The following KHDRBS3 variants were observed in gnomAD, a reference collection of about 807,000 sequenced individuals.
KHDRBS3 encodes the protein KH domain-containing, RNA-binding, signal transduction-associated protein 3.
Under a neutral mutation model 45.6 loss-of-function variants are expected in KHDRBS3, and 23 were observed. The observed-to-expected ratio is 0.50, with a 90% confidence interval of 0.36 to 0.72. The LOEUF is 0.72. Ranked by LOEUF, KHDRBS3 falls within the 30% of genes least tolerant of loss-of-function variation. KHDRBS3 has a pLI of 0.00. For synonymous variants in KHDRBS3, 162 were observed against 156.5 expected, an observed-to-expected ratio of 1.04 and a Z score of -0.26; for missense variants, 352 against 424.8, an observed-to-expected ratio of 0.83 and a Z score of 1.51.
rs146012641 is a variant in KHDRBS3 at position 135,597,485 on chromosome 8, C to T, written c.808-9470C>T. ...AAAATCCATGTGACCAGCTCCCTCA[C>T]GGCTTTCACATTTGTATTCAAAGTC... On this transcript the variant is annotated intron_variant, in intron 6 of 8. Coordinates refer to ENST00000355849, the MANE Select transcript of KHDRBS3 (RefSeq NM_006558.3). Among the ~76,000 whole-genome samples the T allele has an allele frequency of 4.6e-5, 7 of 152,234 alleles. No homozygotes were observed. In the East Asian group the frequency reaches 9.7e-4, roughly 21 times the overall value.
intron 6 of KHDRBS3, among the ~76,000 whole-genome samples, chr8:135,592,375 C>G (rs992516230): frequency 6.6e-6 from 1 of 152,086 alleles, no homozygotes; most frequent in Non-Finnish European, 1.5e-5. Context: ...TAGGCTTGCC[C>G]GTCCAAGTTA....
chr8:135,517,898 T>C (rs1424646456), intron 1 of KHDRBS3, among the ~76,000 whole-genome samples: 1 of 152,226 alleles, frequency 6.6e-6, no homozygotes, highest in African/African-American at 2.4e-5. Flanking sequence ...ACTTAAGATT[T>C]GTAGGATGCT....
chr8:135,564,199 T>G (rs192944572), intron 5 of KHDRBS3, among the ~76,000 whole-genome samples: 42 of 152,200 alleles, frequency 2.8e-4, no homozygotes, highest in African/African-American at 8.9e-4. Context: ...TGTTACTGAT[T>G]TTCATGATGT....
At chr8:135,468,050 TC>T (rs1707762324) in intron 1 of KHDRBS3, among the ~76,000 whole-genome samples, 1 of 152,192 alleles carries the variant, frequency 6.6e-6, no homozygotes, top group Non-Finnish European at 1.5e-5. Context: ...CCTCTCTCCC[TC>T]TTTGTTATTC....
chr8:135,541,646 A>C (rs2130769757), intron 2 of KHDRBS3: 1 of 152,324 alleles, frequency 6.6e-6, no homozygotes, highest in East Asian at 1.9e-4. Context: ...TCACGGAAGA[A>C]GTGGCTGCTA....
chr8:135,605,157 G>A (rs892416777), intron 6 of KHDRBS3, among the ~76,000 whole-genome samples: 1 of 152,000 alleles, frequency 6.6e-6, no homozygotes, highest in Non-Finnish European at 1.5e-5. Context: ...CTTCTTGGAT[G>A]TGTAGATTAC....
downstream of KHDRBS3, among the ~76,000 whole-genome samples, chr8:135,650,806 CCG>C (rs1831413762): frequency 6.6e-6 from 1 of 152,178 alleles, no homozygotes; most frequent in East Asian, 1.9e-4. Flanking sequence ...TTTCTCTACC[CCG>C]CCCCTGCACC....
intron 1 of KHDRBS3, among the ~76,000 whole-genome samples, chr8:135,476,886 C>T (rs1822317292): frequency 6.6e-6 from 1 of 152,028 alleles, no homozygotes; most frequent in Non-Finnish European, 1.5e-5. Context: ...GACTTATTTG[C>T]CAAGTGAATT....
chr8:135,520,840 C>G (rs1323636228), intron 1 of KHDRBS3, among the ~76,000 whole-genome samples: 1 of 152,186 alleles, frequency 6.6e-6, no homozygotes, highest in African/African-American at 2.4e-5. Context: ...TTGTAGAAGC[C>G]TTGAAAAGCC....
chr8:135,529,373 G>A (rs1431246459), intron 2 of KHDRBS3, among the ~76,000 whole-genome samples: 1 of 152,160 alleles, frequency 6.6e-6, no homozygotes, highest in African/African-American at 2.4e-5. Flanking sequence ...TTACAAATAT[G>A]ACAGCATTTC....
chr8:135,605,918 G>A (rs568327155), intron 6 of KHDRBS3, among the ~76,000 whole-genome samples: 14 of 151,934 alleles, frequency 9.2e-5, no homozygotes, highest in African/African-American at 3.1e-4. Context: ...TCAGTTTTTT[G>A]TTGTTGTTGT....
chr8:135,525,937 A>G (rs914086998), intron 2 of KHDRBS3, among the ~76,000 whole-genome samples: 6 of 152,164 alleles, frequency 3.9e-5, no homozygotes, highest in African/African-American at 1.4e-4. Context: ...TCAGTGATGG[A>G]CTGCATATAT....
intron 2 of KHDRBS3, chr8:135,542,361 G>C (rs1826086295): frequency 6.4e-6 from 2 of 312,464 alleles, no homozygotes; most frequent in Non-Finnish European, 5.9e-6. Flanking sequence ...AACGTGTGCT[G>C]AAACTGTTAG....
rs1830812702 is a variant in KHDRBS3 at position 135,636,344 on chromosome 8, ATTG to A, written c.891-8712_891-8710del. 2.0e-5 allele frequency among the ~76,000 whole-genome samples: 3 copies of A among 152,250 alleles called. No individual in the cohort carries two copies. The South Asian group carries it at 6.2e-4, about 31-fold the overall frequency. Reference sequence around the variant, plus strand: ...AGTAAATGTTTACTTCATCAAGGACATTGTTAAGTGAAAATTCCTTAAAGAAAA... The same window carrying A: ...AGTAAATGTTTACTTCATCAAGGACATTAAGTGAAAATTCCTTAAAGAAAA... On this transcript the variant is annotated intron_variant, in intron 7 of 8. Transcript: ENST00000355849.
At chr8:135,542,920 T>A in intron 3 of KHDRBS3, 150 bp downstream of exon 3, 1 of 557,304 alleles carries the variant, frequency 1.8e-6, no homozygotes. Context: ...CTTCAGAATA[T>A]GTAGTAACTT....
At chr8:135,621,680 A>T (rs1421584863) in intron 7 of KHDRBS3, among the ~76,000 whole-genome samples, 1 of 145,024 alleles carries the variant, frequency 6.9e-6, no homozygotes, top group African/African-American at 2.5e-5. Context: ...GCAAACCAGA[A>T]GGAAGTTTTT....
intron 7 of KHDRBS3, among the ~76,000 whole-genome samples, chr8:135,628,087 T>G (rs1323840530): frequency 6.6e-6 from 1 of 152,178 alleles, no homozygotes; most frequent in Non-Finnish European, 1.5e-5. Context: ...TCTTCATCTT[T>G]GTCTGGCTTT....
At position 135,557,431 on chromosome 8, in the gene KHDRBS3, T is replaced by C; in HGVS notation, c.472-17T>C. The C allele has an allele frequency of 1.3e-6, 2 of 1,568,094 alleles. No individual in the cohort carries two copies. Among genetic ancestry groups the C allele is most frequent in the East Asian group, 4.6e-5 (2 of 43,424 alleles). ...CTAATATGAAGTGAATTTTGCTATC[T>C]TCTGTCTTTTGTGTAGGATTATAAT... On this transcript the variant is annotated splice_polypyrimidine_tract_variant and intron_variant, in intron 4 of 8. Transcript: ENST00000355849.
chr8:135,534,512 C>T (rs1364593656), intron 2 of KHDRBS3, among the ~76,000 whole-genome samples: 3 of 152,118 alleles, frequency 2.0e-5, no homozygotes, highest in Non-Finnish European at 2.9e-5. Context: ...AGGGTTTCCG[C>T]GCTCAGAGAA....
Sources: allele counts gnomAD v4.1 joint callset (sites outside exome capture counted in the v4.1 genomes callset), GRCh38; gene constraint gnomAD v4.1.1; transcripts MANE v1.5; gene names NCBI Gene and HGNC (gene_info 2026-07-23, HGNC 2026-07-21).